The following TMIGD3 variants were observed in gnomAD, a reference collection of about 807,000 sequenced individuals.
The protein encoded by TMIGD3 is AD026 protein (AD026).
Under a neutral mutation model 28.1 loss-of-function variants are expected in TMIGD3, and 21 were observed. That is an observed-to-expected ratio of 0.75 (90% CI 0.53 to 1.08). The LOEUF is 1.08. TMIGD3 is among the 50% of genes least tolerant of loss of function. The probability of loss-of-function intolerance (pLI) is 0.00; values close to 1 mark genes in which losing one functional copy is unlikely to be tolerated. For synonymous variants in TMIGD3, 151 were observed against 162.1 expected, an observed-to-expected ratio of 0.93 and a Z score of 0.52; for missense variants, 416 against 435.6, an observed-to-expected ratio of 0.96 and a Z score of 0.40.
Position 111,490,641 on chromosome 1 carries a change from C to T in TMIGD3, c.457+15G>A, listed in dbSNP as rs373581453. 64 of 1,591,208 alleles carry T rather than the reference C, an allele frequency of 4.0e-5. 1 individual carries two copies. Among genetic ancestry groups the T allele is most frequent in the African/African-American group, 6.7e-5 (5 of 74,422 alleles). On this transcript the variant is annotated intron_variant, in intron 2 of 5. Coordinates refer to ENST00000369716, the MANE Select transcript of TMIGD3 (RefSeq NM_020683.7). Reference sequence around the variant, plus strand: ...ACAGCTTAAAGGGCTGGAGCTGTTCCGTCCCCCATCCTACCTGAAATGAGA... The same window carrying T: ...ACAGCTTAAAGGGCTGGAGCTGTTCTGTCCCCCATCCTACCTGAAATGAGA...
chr1:111,497,249 T>C (rs898421397), intron 1 of TMIGD3, among the ~76,000 whole-genome samples: 5 of 152,206 alleles, frequency 3.3e-5, no homozygotes, highest in African/African-American at 1.2e-4. Context: ...TAGCTGGGAC[T>C]ACAGCTGCCC....
At chr1:111,516,047 G>A (rs2100998728) in intron 1 of TMIGD3, among the ~76,000 whole-genome samples, 1 of 152,350 alleles carries the variant, frequency 6.6e-6, no homozygotes, top group South Asian at 2.1e-4. Context: ...GGCGTCCTCT[G>A]CACAACCCCG....
chr1:111,516,057 G>A (rs1256591071), intron 1 of TMIGD3, among the ~76,000 whole-genome samples: 1 of 152,212 alleles, frequency 6.6e-6, no homozygotes, highest in Admixed American at 6.5e-5. Flanking sequence ...GCACAACCCC[G>A]TCATGAGAGC....
intron 1 of TMIGD3, among the ~76,000 whole-genome samples, chr1:111,524,578 TTACTC>T (rs1343045233): frequency 1.3e-5 from 2 of 152,258 alleles, no homozygotes; most frequent in Non-Finnish European, 1.5e-5. Flanking sequence ...TATTTTTACT[TTACTC>T]TTATTTATTT....
chr1:111,524,292 G>A (rs1222799929), intron 1 of TMIGD3, among the ~76,000 whole-genome samples: 4 of 151,984 alleles, frequency 2.6e-5, no homozygotes, highest in African/African-American at 9.7e-5. Context: ...GCCTCCTAAG[G>A]TGCTGGGATT....
At chr1:111,515,199 C>T (rs1423796333) in intron 1 of TMIGD3, among the ~76,000 whole-genome samples, 1 of 152,176 alleles carries the variant, frequency 6.6e-6, no homozygotes, top group Non-Finnish European at 1.5e-5. Flanking sequence ...TAGAGTGAGA[C>T]CTAGTTTCTT....
intron 1 of TMIGD3, among the ~76,000 whole-genome samples, chr1:111,510,610 G>A (rs1356498674): frequency 9.2e-5 from 14 of 152,128 alleles, no homozygotes; most frequent in Non-Finnish European, 1.6e-4. Flanking sequence ...TTTCTAGGAT[G>A]CCTTTGTGCC....
chr1:111,525,522 G>A (rs1166387930), intron 1 of TMIGD3, among the ~76,000 whole-genome samples: 1 of 152,170 alleles, frequency 6.6e-6, no homozygotes, highest in African/African-American at 2.4e-5. Flanking sequence ...CATGGTGTAT[G>A]ATTTTTAATC....
chr1:111,548,133 G>T (rs1390810380), intron 1 of TMIGD3, among the ~76,000 whole-genome samples: 1 of 152,172 alleles, frequency 6.6e-6, no homozygotes, highest in Non-Finnish European at 1.5e-5. Flanking sequence ...AGATTCTCCT[G>T]CCTCAGCCTC....
At chr1:111,490,919 C>G (rs1322861018) in intron 1 of TMIGD3, among the ~76,000 whole-genome samples, 157 bp from the exon 2 acceptor site, 1 of 152,240 alleles carries the variant, frequency 6.6e-6, no homozygotes, top group Non-Finnish European at 1.5e-5. Context: ...TAGACATAAA[C>G]TTACTGACGG....
intron 1 of TMIGD3, among the ~76,000 whole-genome samples, chr1:111,502,138 A>T (rs28760561): frequency 0.2 from 5,571 of 28,540 alleles, 1,191 homozygotes; most frequent in Non-Finnish European, 0.24. Flanking sequence ...TATATATTTA[A>T]TATAATAAAT....
intron 1 of TMIGD3, among the ~76,000 whole-genome samples, chr1:111,509,146 C>A (rs1655609166): frequency 6.6e-6 from 1 of 152,196 alleles, no homozygotes; most frequent in Non-Finnish European, 1.5e-5. Flanking sequence ...AGCTCCTGGT[C>A]TCCTCGCTTA....
At chr1:111,533,697 G>A (rs756779253) in intron 1 of TMIGD3, among the ~76,000 whole-genome samples, 1 of 152,106 alleles carries the variant, frequency 6.6e-6, no homozygotes, top group Admixed American at 6.5e-5. Context: ...GGGATTACAG[G>A]AGCGTGCCAC....
chr1:111,547,486 A>ACTAT (rs1657076860), intron 1 of TMIGD3, among the ~76,000 whole-genome samples: 1 of 152,188 alleles, frequency 6.6e-6, no homozygotes, highest in Non-Finnish European at 1.5e-5. Context: ...ATGGAGTTAA[A>ACTAT]AAATATAAAA....
intron 1 of TMIGD3, among the ~76,000 whole-genome samples, chr1:111,542,701 T>G (rs1656881447): frequency 6.6e-6 from 1 of 152,144 alleles, no homozygotes; most frequent in Non-Finnish European, 1.5e-5. Flanking sequence ...TTTTTGTTTT[T>G]TTTTTCTTTT....
At chr1:111,497,655 AAAAG>A (rs1015720000) in intron 1 of TMIGD3, among the ~76,000 whole-genome samples, 2 of 152,204 alleles carry the variant, frequency 1.3e-5, no homozygotes, top group African/African-American at 2.4e-5. Flanking sequence ...GGAAAAGAAA[AAAAG>A]AGAGAGAGAG....
At chr1:111,536,734 A>T (rs895547282) in intron 1 of TMIGD3, among the ~76,000 whole-genome samples, 1 of 152,118 alleles carries the variant, frequency 6.6e-6, no homozygotes, top group Non-Finnish European at 1.5e-5. Context: ...ATTACCCATT[A>T]AATATTCATT....
chr1:111,495,804 C>T (rs147689632), intron 1 of TMIGD3, among the ~76,000 whole-genome samples: 472 of 152,298 alleles, frequency 3.1e-3, no homozygotes, highest in Non-Finnish European at 5.6e-3. Flanking sequence ...TACATAGACA[C>T]GATGGACTAC....
intron 1 of TMIGD3, among the ~76,000 whole-genome samples, chr1:111,511,079 C>A (rs1655673403): frequency 1.3e-5 from 2 of 152,196 alleles, no homozygotes; most frequent in African/African-American, 4.8e-5. Context: ...TGCACCCCAC[C>A]TATTTCCACA....
Sources: allele counts gnomAD v4.1 joint callset (sites outside exome capture counted in the v4.1 genomes callset), GRCh38; gene constraint gnomAD v4.1.1; transcripts MANE v1.5; gene names NCBI Gene and HGNC (gene_info 2026-07-23, HGNC 2026-07-21).